The following DMD variants were observed in gnomAD, a reference collection of about 807,000 sequenced individuals.
The protein encoded by DMD is mutant dystrophin.
A neutral mutation model predicts 330.1 loss-of-function variants in DMD; 63 were observed. The ratio of observed to expected loss-of-function variants is 0.19; its 90% CI spans 0.16 to 0.24. The LOEUF (loss-of-function observed/expected upper bound fraction) is 0.24, where lower values mean the gene tolerates loss of function less well. Among genes scored for constraint, DMD ranks in the 10% least tolerant of loss-of-function variants. DMD has a pLI of 1.00. For synonymous variants in DMD, 1,223 were observed against 959.8 expected, an observed-to-expected ratio of 1.27 and a Z score of -5.07; for missense variants, 3,344 against 2,684.1, an observed-to-expected ratio of 1.25 and a Z score of -5.43.
At chrX:32,878,102 G>A (rs1303902298) in intron 2 of DMD, among the ~76,000 whole-genome samples, 3 of 112,455 alleles carry the variant, frequency 2.7e-5, no homozygotes, top group East Asian at 2.8e-4. Context: ...TGGGCCGGGC[G>A]CGGTGGCTCA....
At chrX:33,313,678 A>G (rs1374465765) in intron 1 of DMD, among the ~76,000 whole-genome samples, 1 of 69,176 alleles carries the variant, frequency 1.4e-5, no homozygotes. Flanking sequence ...AGTGGATGTA[A>G]AAAAAAAAAA....
chrX:31,698,983 G>T (rs2083623145), intron 52 of DMD, among the ~76,000 whole-genome samples: 1 of 111,854 alleles, frequency 8.9e-6, no homozygotes, highest in East Asian at 2.8e-4. Context: ...TTTAAGGTTA[G>T]TTTGGAACAT....
intron 17 of DMD, among the ~76,000 whole-genome samples, chrX:32,538,859 T>C (rs1222249812): frequency 9.0e-6 from 1 of 110,874 alleles, no homozygotes; most frequent in African/African-American, 3.3e-5. Context: ...TGTATAAGTA[T>C]CACCGAGAGT....
intron 44 of DMD, among the ~76,000 whole-genome samples, chrX:32,184,460 A>AAAT (rs2096938329): frequency 9.0e-6 from 1 of 111,408 alleles, no homozygotes. Flanking sequence ...AATCTTATTC[A>AAAT]AATAGGTGAG....
intron 2 of DMD, among the ~76,000 whole-genome samples, chrX:32,934,297 T>G (rs1196366437): frequency 2.7e-5 from 3 of 111,580 alleles, no homozygotes; most frequent in Admixed American, 9.5e-5. Context: ...CACTGACTTG[T>G]GCCTATAATC....
chrX:32,950,554 T>G (rs776609550), intron 2 of DMD, among the ~76,000 whole-genome samples: 1 of 111,172 alleles, frequency 9.0e-6, no homozygotes, highest in South Asian at 3.9e-4. Context: ...GGGAACACCA[T>G]AGCAGAGAAG....
chrX:31,610,364 A>G (rs1287914062), intron 55 of DMD, among the ~76,000 whole-genome samples: 1 of 111,756 alleles, frequency 8.9e-6, no homozygotes, highest in Non-Finnish European at 1.9e-5. Context: ...ATTAATTTGT[A>G]AAATATACCT....
At chrX:31,484,657 G>A (rs1239367036) in intron 57 of DMD, among the ~76,000 whole-genome samples, 2 of 111,977 alleles carry the variant, frequency 1.8e-5, no homozygotes, top group East Asian at 5.6e-4. Flanking sequence ...CTTATATGAA[G>A]TATGCTACTA....
At chrX:33,100,374 T>C (rs2095225583) in intron 1 of DMD, among the ~76,000 whole-genome samples, 1 of 112,183 alleles carries the variant, frequency 8.9e-6, no homozygotes, top group South Asian at 3.6e-4. Context: ...TTTCTTTAAA[T>C]ATCATGTATT....
intron 34 of DMD, among the ~76,000 whole-genome samples, chrX:32,377,712 A>G (rs755614223): frequency 1.8e-5 from 2 of 111,830 alleles, no homozygotes; most frequent in Non-Finnish European, 3.8e-5. Flanking sequence ...AATTCTACTT[A>G]AAAGCTCAGT....
chrX:33,064,643 C>A (rs1333405291), intron 1 of DMD, among the ~76,000 whole-genome samples: 1 of 111,762 alleles, frequency 8.9e-6, no homozygotes, highest in Non-Finnish European at 1.9e-5. Context: ...AATCCCAACA[C>A]TTTGGGAGGC....
intron 2 of DMD, among the ~76,000 whole-genome samples, chrX:32,965,456 T>C (rs769686704): frequency 1.1e-5 from 1 of 94,510 alleles, no homozygotes; most frequent in Non-Finnish European, 2.0e-5. Flanking sequence ...ATCGTGCCAC[T>C]GCACTCCAGC....
intron 1 of DMD, among the ~76,000 whole-genome samples, chrX:33,070,659 CTCTCTCTCTCTCTCTATATATATATA>C (rs1181880074): frequency 2.3e-5 from 1 of 43,093 alleles, no homozygotes; most frequent in African/African-American, 9.8e-5. Flanking sequence ...CTCTCTCTCT[CTCTCTCTCTCTCTCTATATATATATA>C]TATATATATA....
chrX:31,744,256 AAATAT>A (rs2149087781), intron 51 of DMD, among the ~76,000 whole-genome samples: 1 of 111,469 alleles, frequency 9.0e-6, no homozygotes, highest in Non-Finnish European at 1.9e-5. Flanking sequence ...AGATCATAAC[AAATAT>A]AATAATAATA....
At chrX:32,138,485 C>T (rs1056219711) in intron 44 of DMD, among the ~76,000 whole-genome samples, 1 of 112,116 alleles carries the variant, frequency 8.9e-6, no homozygotes, top group African/African-American at 3.2e-5. Context: ...TACACAGTTG[C>T]TCTACTTGCA....
intron 74 of DMD, among the ~76,000 whole-genome samples, chrX:31,161,430 T>C (rs1360691239): frequency 1.8e-5 from 2 of 112,023 alleles, no homozygotes; most frequent in Non-Finnish European, 3.8e-5. Context: ...CCACTTGAAA[T>C]GTCCTTGGGC....
intron 44 of DMD, among the ~76,000 whole-genome samples, chrX:32,103,567 C>CT (rs1164552977): frequency 8.9e-6 from 1 of 111,871 alleles, no homozygotes; most frequent in African/African-American, 3.2e-5. Context: ...ACTGAAGTGC[C>CT]TGTAATGACT....
intron 73 of DMD, among the ~76,000 whole-genome samples, chrX:31,171,563 T>C (rs1216720672): frequency 2.7e-5 from 3 of 111,852 alleles, no homozygotes; most frequent in African/African-American, 9.7e-5. Flanking sequence ...CAAATCCTTA[T>C]TTTTTCCTTC....
chrX:32,604,416 A>G (rs915025708), intron 12 of DMD, among the ~76,000 whole-genome samples: 3 of 110,465 alleles, frequency 2.7e-5, no homozygotes, highest in African/African-American at 9.8e-5. Context: ...AACAAAAGTC[A>G]TATATGACAA....
Sources: allele counts gnomAD v4.1 joint callset (sites outside exome capture counted in the v4.1 genomes callset), GRCh38; gene constraint gnomAD v4.1.1; transcripts MANE v1.5; gene names NCBI Gene and HGNC (gene_info 2026-07-23, HGNC 2026-07-21).